DENND1B: variants seen among roughly 807,000 people sequenced by gnomAD.
DENND1B encodes the protein DENN domain containing 1B, also known as DENN domain-containing protein 1B.
DENND1B carries 59 observed loss-of-function variants against 90.1 expected under a neutral mutation model. That is an observed-to-expected ratio of 0.65 (90% CI 0.53 to 0.81). The LOEUF (loss-of-function observed/expected upper bound fraction) is 0.81, where lower values mean the gene tolerates loss of function less well. DENND1B is among the 40% of genes least tolerant of loss of function. DENND1B has a pLI of 0.00. For synonymous variants in DENND1B, 337 were observed against 324.6 expected (o/e 1.04, Z -0.41); for missense variants, 862 against 912.6 (o/e 0.94, Z 0.71).
intron 20 of DENND1B, among the ~76,000 whole-genome samples, chr1:197,513,252 TACTTG>T (rs1229859616): frequency 3.3e-5 from 5 of 151,438 alleles, no homozygotes; most frequent in African/African-American, 9.7e-5. Flanking sequence ...GATTTAGGGA[TACTTG>T]ACTTATACTC....
chr1:197,641,156 T>A (rs980405176), intron 10 of DENND1B, among the ~76,000 whole-genome samples: 5 of 152,222 alleles, frequency 3.3e-5, no homozygotes, highest in Non-Finnish European at 5.9e-5. Context: ...GCACATAGTA[T>A]GTGCCTAATA....
Position 197,768,121 on chromosome 1 carries a change from G to T in DENND1B, c.82+4747C>A, listed in dbSNP as rs371663111. ...GAATAAGTACAACATATTAGCTGCT[G>T]CAGCTGCTGCTGCTGCTCCTCCACC... On this transcript the variant is annotated intron_variant, in intron 2 of 22. Coordinates refer to ENST00000620048, the MANE Select transcript of DENND1B (RefSeq NM_001195215.2). 2.0e-5 allele frequency among the ~76,000 whole-genome samples: 3 copies of T among 151,978 alleles called. No individual in the cohort carries two copies. In the East Asian group the frequency reaches 5.9e-4, roughly 30 times the overall value.
chr1:197,703,025 T>C (rs1037266371), intron 3 of DENND1B, among the ~76,000 whole-genome samples: 3 of 152,138 alleles, frequency 2.0e-5, no homozygotes, highest in Non-Finnish European at 4.4e-5. Context: ...TCTCACTCTG[T>C]CGCCTGGGCT....
chr1:197,735,416 TA>T (rs894295029), intron 2 of DENND1B: 628 of 1,408,912 alleles, frequency 4.5e-4, no homozygotes, highest in East Asian at 1.1e-3. Flanking sequence ...AATTCACTGT[TA>T]AAAAAAAATA....
Position 197,593,528 on chromosome 1 carries a change from AT to A in DENND1B, c.1047+1679del, listed in dbSNP as rs998007444. Among the ~76,000 whole-genome samples, 907 of 151,580 alleles carry A rather than the reference AT, an allele frequency of 6.0e-3. 13 individuals carry two copies. Among genetic ancestry groups the A allele is most frequent in the African/African-American group, 0.02 (845 of 41,422 alleles). ...AGATAGTAACAATATGGCTTTCAAG[AT>A]TTTTTTTTAAAAAGTCACTGAAATC... is the stretch of plus-strand genomic sequence containing the variant. On this transcript the variant is annotated intron_variant, in intron 14 of 22. Coordinates refer to ENST00000620048, the MANE Select transcript of DENND1B (RefSeq NM_001195215.2).
At chr1:197,559,046 T>C (rs892891713) in intron 15 of DENND1B, among the ~76,000 whole-genome samples, 1 of 151,960 alleles carries the variant, frequency 6.6e-6, no homozygotes, top group African/African-American at 2.4e-5. Flanking sequence ...AGTAAACTGG[T>C]AGGAATGTAT....
At chr1:197,685,929 G>A (rs747867173) in intron 3 of DENND1B, among the ~76,000 whole-genome samples, 10 of 152,128 alleles carry the variant, frequency 6.6e-5, no homozygotes, top group Non-Finnish European at 1.2e-4. Context: ...CTCTTGCTGA[G>A]TTTATAAGTG....
chr1:197,771,907 C>A (rs956214290), intron 2 of DENND1B, among the ~76,000 whole-genome samples: 5 of 152,136 alleles, frequency 3.3e-5, no homozygotes, highest in African/African-American at 4.8e-5. Context: ...GCTAACCCTG[C>A]CGCCTACCAC....
chr1:197,672,562 C>T (rs1472405612), intron 4 of DENND1B, among the ~76,000 whole-genome samples: 2 of 151,986 alleles, frequency 1.3e-5, no homozygotes, highest in Admixed American at 1.3e-4. Flanking sequence ...GCTTAGATAG[C>T]AAATCATGTC....
chr1:197,748,100 T>C (rs1420249188), intron 2 of DENND1B, among the ~76,000 whole-genome samples: 1 of 152,052 alleles, frequency 6.6e-6, no homozygotes, highest in Admixed American at 6.5e-5. Flanking sequence ...AAAACAAACA[T>C]TGAAAAGATC....
the DENND1B span, among the ~76,000 whole-genome samples, chr1:197,781,279 A>G: frequency 6.6e-6 from 1 of 152,198 alleles, no homozygotes; most frequent in African/African-American, 2.4e-5. Flanking sequence ...CAAGCATCTC[A>G]TGAGTTGTAG....
chr1:197,735,588 G>C, intron 2 of DENND1B: 1 of 1,614,034 alleles, frequency 6.2e-7, no homozygotes, highest in East Asian at 2.2e-5. Flanking sequence ...GGTATTACTC[G>C]AAAATACAGG....
At chr1:197,672,980 C>A (rs1292918539) in intron 4 of DENND1B, among the ~76,000 whole-genome samples, 1 of 151,904 alleles carries the variant, frequency 6.6e-6, no homozygotes, top group African/African-American at 2.4e-5. Flanking sequence ...ATAAAATATC[C>A]ATGACGCCTA....
chr1:197,510,451 A>G lies in DENND1B; in HGVS notation c.*9T>C. 6.3e-7 allele frequency: 1 copy of G among 1,592,092 alleles called. No homozygotes were observed. Among genetic ancestry groups the G allele is most frequent in the Non-Finnish European group, 8.6e-7 (1 of 1,168,610 alleles). On this transcript the variant is annotated 3_prime_UTR_variant, in exon 23 of 23. Coordinates refer to ENST00000620048, the MANE Select transcript of DENND1B (RefSeq NM_001195215.2). The stretch of plus-strand genomic sequence containing the variant: ...TCAAAATGTCTCCATAGAAGCTTGG[A>G]TGCAAGATTTAAGTTTGGTTTCCAT...
intron 15 of DENND1B, among the ~76,000 whole-genome samples, chr1:197,580,120 TCTCA>T (rs1158669004): frequency 7.8e-6 from 1 of 128,016 alleles, no homozygotes; most frequent in African/African-American, 2.9e-5. Context: ...GAGATAAGAG[TCTCA>T]CTCTGTCGCC....
Position 197,718,532 on chromosome 1 carries a change from C to T in DENND1B, c.83-3458G>A, listed in dbSNP as rs1660858259. 2.6e-5 allele frequency among the ~76,000 whole-genome samples: 4 copies of T among 152,074 alleles called. No individual in the cohort carries two copies. The South Asian group carries it at 8.3e-4, about 31-fold the overall frequency. On this transcript the variant is annotated intron_variant, in intron 2 of 22. Transcript: ENST00000620048. The stretch of plus-strand genomic sequence containing the variant: ...GTGAACTAAACAAAACAGGGTCTAC[C>T]ACTTACAGAGAAGAGGAGCATCTAT...
At position 197,681,998 on chromosome 1, in the gene DENND1B, G is replaced by A. The variant is rs537264442; in HGVS notation, c.127-7829C>T. On this transcript the variant is annotated intron_variant, in intron 3 of 22. Transcript: ENST00000620048. Reference sequence around the variant, plus strand: ...GTTTTTGTTTTTCTGGTCCTGCCTGGAACCTAGTTCAGAACTATCCCTAAA... The same window carrying A: ...GTTTTTGTTTTTCTGGTCCTGCCTGAAACCTAGTTCAGAACTATCCCTAAA... Among the ~76,000 whole-genome samples the A allele has an allele frequency of 2.6e-5, 4 of 151,556 alleles. No homozygotes were observed. The South Asian group carries it at 8.4e-4, about 32-fold the overall frequency.
intron 20 of DENND1B, among the ~76,000 whole-genome samples, chr1:197,538,656 ATTTTTTTTTT>A (rs67761711): frequency 1.0e-4 from 11 of 105,882 alleles, no homozygotes; most frequent in Non-Finnish European, 2.1e-4. Flanking sequence ...AATTAATGGG[ATTTTTTTTTT>A]TTTTTTTTTT....
At chr1:197,629,766 A>T (rs1205877886) in intron 10 of DENND1B, among the ~76,000 whole-genome samples, 1 of 152,036 alleles carries the variant, frequency 6.6e-6, no homozygotes, top group Non-Finnish European at 1.5e-5. Context: ...AAAAGCAGCC[A>T]CGGACTTTAG....
Sources: allele counts gnomAD v4.1 joint callset (sites outside exome capture counted in the v4.1 genomes callset), GRCh38; gene constraint gnomAD v4.1.1; transcripts MANE v1.5; gene names NCBI Gene and HGNC (gene_info 2026-07-23, HGNC 2026-07-21).